FAT4: variants seen among roughly 807,000 people sequenced by gnomAD.
FAT4 encodes protocadherin Fat 4.
Under a neutral mutation model 303.9 loss-of-function variants are expected in FAT4, and 84 were observed. The observed-to-expected ratio is 0.28, with a 90% CI of 0.23 to 0.33. The LOEUF is 0.33. Among genes scored for constraint, FAT4 ranks in the 10% least tolerant of loss-of-function variants. FAT4 has a pLI of 1.00. For missense variants in FAT4, 6,005 were observed against 6,146.8 expected, an observed-to-expected ratio of 0.98 and a Z score of 0.77; for synonymous variants, 2,307 against 2,298.8, an observed-to-expected ratio of 1.00 and a Z score of -0.10.
At position 125,450,540 on chromosome 4, in the gene FAT4, C is replaced by A. The variant is rs1367797656; in HGVS notation, c.9530C>A (p.Thr3177Asn). Residue 3177 changes from threonine (T) to asparagine (N), a missense_variant, in exon 10 of 18, where the codon ACT (threonine) becomes AAT (asparagine). By Grantham distance (65) the Thr-to-Asn change is moderately conservative. Coordinates refer to ENST00000394329, the MANE Select transcript of FAT4 (RefSeq NM_001291303.3). ...ATAGATGGAGGATGGGTTGCAAGAA[C>A]TGGTTACTGCAGTGTGACCGTAAAT... Reference protein sequence around the residue: ...SAIDGGWVARTGYCSVTVNVI... With the variant: ...SAIDGGWVARNGYCSVTVNVI... 2 of 1,614,002 alleles carry A rather than the reference C, an allele frequency of 1.2e-6. No homozygotes were observed. The highest frequency in any genetic ancestry group is 2.7e-5 in the African/African-American group (2 of 74,916).
At chr4:125,371,462 T>C (rs1162910827) in intron 2 of FAT4, among the ~76,000 whole-genome samples, 4 of 151,812 alleles carry the variant, frequency 2.6e-5, no homozygotes, top group African/African-American at 9.7e-5. Context: ...GATTGAGACA[T>C]AGGGTATCTT....
intron 11 of FAT4, among the ~76,000 whole-genome samples, chr4:125,466,659 A>T (rs1027449057): frequency 6.6e-6 from 1 of 150,724 alleles, no homozygotes; most frequent in Non-Finnish European, 1.5e-5. Flanking sequence ...ATAAAATATT[A>T]TCTCTATATA....
In FAT4 at chr4:125,490,408, G is replaced by A. The variant is rs1354220055; in HGVS notation, c.13592G>A (p.Cys4531Tyr). The A allele has an allele frequency of 1.2e-6, 2 of 1,614,112 alleles. No homozygotes were observed. The change falls in exon 18 of 18, where the codon TGC becomes TAC. Residue 4531 changes from cysteine to tyrosine, a missense_variant. Transcript: ENST00000394329. ...LVLSLILCNQ[C>Y]RGKKAKNPKE... ...CTTAGCCTGATCCTGTGTAACCAGT[G>A]CAGGGGGAAGAAGGCCAAAAATCCC...
At chr4:125,392,547 A>T (rs530403738) in intron 2 of FAT4, among the ~76,000 whole-genome samples, 97 of 152,188 alleles carry the variant, frequency 6.4e-4, no homozygotes, top group Admixed American at 1.3e-3. Flanking sequence ...TTTTAATAGT[A>T]ATCACTTTCA....
intron 3 of FAT4, among the ~76,000 whole-genome samples, chr4:125,401,475 C>T (rs1488256810): frequency 6.6e-6 from 1 of 151,660 alleles, no homozygotes; most frequent in African/African-American, 2.4e-5. Context: ...GAGTAAGACT[C>T]GAGATTATGT....
At chr4:125,436,392 A>AT (rs1725453630) in intron 8 of FAT4, among the ~76,000 whole-genome samples, 1 of 152,140 alleles carries the variant, frequency 6.6e-6, no homozygotes, top group African/African-American at 2.4e-5. Context: ...TTACTCATTC[A>AT]TTTAGAGATA....
Position 125,400,288 on chromosome 4 carries a change from T to C in FAT4, c.5307+1373T>C, listed in dbSNP as rs543805107. ...ATATTATAATTAGAGTGGGATTATT[T>C]AATAGGAATTACAGGAATCACAGGT... On this transcript the variant is annotated intron_variant, in intron 3 of 17. Coordinates refer to ENST00000394329, the MANE Select transcript of FAT4 (RefSeq NM_001291303.3). 1.1e-3 allele frequency among the ~76,000 whole-genome samples: 174 copies of C among 152,104 alleles called. 2 individuals carry two copies. The highest frequency in any genetic ancestry group is 4.0e-3 in the African/African-American group (166 of 41,556).
At chr4:125,485,893 A>C (rs1553930546) in intron 16 of FAT4, among the ~76,000 whole-genome samples, 1 of 152,170 alleles carries the variant, frequency 6.6e-6, no homozygotes, top group African/African-American at 2.4e-5. Flanking sequence ...ATGGTTCATC[A>C]TTGACTGTTT....
intron 14 of FAT4, among the ~76,000 whole-genome samples, chr4:125,478,539 G>GTTTT (rs1423238027): frequency 6.6e-6 from 1 of 151,878 alleles, no homozygotes; most frequent in Non-Finnish European, 1.5e-5. Flanking sequence ...TTGTTTGTTT[G>GTTTT]TTTGCTTTTT....
chr4:125,319,603 C>G lies in FAT4; in HGVS notation c.3192C>G (p.Asp1064Glu). ...GTGAACTGGACCGTGAACTTCAAGA[C>G]AGATATGTTTTAATGGTTGTTGCTT... Reference protein sequence around the residue: ...IKSELDRELQDRYVLMVVASD... With the variant: ...IKSELDRELQERYVLMVVASD... The change falls in exon 2 of 18, where the codon GAC becomes GAG. Residue 1064 changes from aspartate (D) to glutamate (E), a missense_variant. Asp to Glu is a conservative substitution (Grantham distance 45). Transcript: ENST00000394329. The G allele has an allele frequency of 1.2e-6, 2 of 1,613,854 alleles. No individual in the cohort carries two copies. The highest frequency in any genetic ancestry group is 1.7e-6 in the Non-Finnish European group (2 of 1,179,734).
intron 7 of FAT4, among the ~76,000 whole-genome samples, chr4:125,431,599 A>G (rs1725286159): frequency 6.6e-6 from 1 of 152,216 alleles, no homozygotes; most frequent in African/African-American, 2.4e-5. Flanking sequence ...TTTATGTGCT[A>G]GGTAGTGTCC....
intron 2 of FAT4, among the ~76,000 whole-genome samples, chr4:125,337,640 T>C (rs2125964546): frequency 6.6e-6 from 1 of 152,196 alleles, no homozygotes; most frequent in East Asian, 1.9e-4. Context: ...CTACATTATA[T>C]GTTAAAACAC....
At chr4:125,458,633 G>T (rs6831169) in intron 10 of FAT4, among the ~76,000 whole-genome samples, 74,230 of 151,542 alleles carry the variant, frequency 0.49, 18,873 homozygotes, top group Non-Finnish European at 0.57. Context: ...CATTAATAAC[G>T]TATGTTTCTA....
chr4:125,479,712 G>T (rs375359664), intron 14 of FAT4, 29 bp from the exon 15 acceptor site: 2 of 1,516,980 alleles, frequency 1.3e-6, no homozygotes, highest in African/African-American at 1.4e-5. Context: ...TTTTATGTGC[G>T]TTATTGTTCT....
chr4:125,394,843 G>T (rs578010054), intron 2 of FAT4, among the ~76,000 whole-genome samples: 1 of 152,280 alleles, frequency 6.6e-6, no homozygotes, highest in African/African-American at 2.4e-5. Flanking sequence ...GATGTCAACA[G>T]TGTATTTTCC....
At chr4:125,460,858 A>T (rs949489198) in intron 10 of FAT4, among the ~76,000 whole-genome samples, 1 of 152,068 alleles carries the variant, frequency 6.6e-6, no homozygotes, top group Admixed American at 6.6e-5. Flanking sequence ...AGGAATAGCC[A>T]TTATTAATTA....
intron 11 of FAT4, among the ~76,000 whole-genome samples, chr4:125,467,429 G>A (rs1028966145): frequency 3.9e-5 from 6 of 152,150 alleles, no homozygotes; most frequent in Non-Finnish European, 7.3e-5. Context: ...AGAATCATGA[G>A]GTATTGGCAT....
Position 125,476,258 on chromosome 4 carries a change from TA to T in FAT4, c.12299+4del. The T allele has an allele frequency of 6.4e-7, 1 of 1,555,240 alleles. No individual in the cohort carries two copies. The highest frequency in any genetic ancestry group is 8.8e-7 in the Non-Finnish European group (1 of 1,136,076). On this transcript the variant is annotated splice_donor_region_variant and intron_variant, in intron 13 of 17. Coordinates refer to ENST00000394329, the MANE Select transcript of FAT4 (RefSeq NM_001291303.3). The stretch of plus-strand genomic sequence containing the variant: ...TAATGTGGCAGTTTCAGATGACTGG[TA>T]AGGAATAGGATTAGTTTAATTTTTA...
chr4:125,415,859 GA>G, intron 6 of FAT4, 53 bp downstream of exon 6: 1 of 1,352,772 alleles, frequency 7.4e-7, no homozygotes. Context: ...ACATCTATTT[GA>G]AAACCTCCCC....
Sources: allele counts gnomAD v4.1 joint callset (sites outside exome capture counted in the v4.1 genomes callset), GRCh38; gene constraint gnomAD v4.1.1; transcripts MANE v1.5; gene names NCBI Gene and HGNC (gene_info 2026-07-23, HGNC 2026-07-21).